COL4A2: variants seen among roughly 807,000 people sequenced by gnomAD.
COL4A2 encodes the protein collagen type IV alpha 2 chain, also known as collagen alpha-2(IV) chain.
In COL4A2, 99 loss-of-function variants were observed where a neutral mutation model predicts 200.2. The observed-to-expected ratio is 0.49, with a 90% CI of 0.42 to 0.58. The LOEUF is 0.58. Ranked by LOEUF, COL4A2 falls within the 20% of genes least tolerant of loss-of-function variation. The pLI, the probability that COL4A2 is intolerant of heterozygous loss-of-function variation, is 0.00. For synonymous variants in COL4A2, 897 were observed against 900.6 expected (o/e 1.00, Z 0.07); for missense variants, 1,950 against 2,314.1 (o/e 0.84, Z 3.23).
At chr13:110,473,211 G>A (rs570564684) in intron 29 of COL4A2, 61 bp downstream of exon 29, 80 of 1,475,220 alleles carry the variant, frequency 5.4e-5, no homozygotes, top group Admixed American at 4.7e-4. Flanking sequence ...CTCCAAGGGC[G>A]ACCCCAATCC....
chr13:110,393,258 A>G (rs558947135), intron 4 of COL4A2, among the ~76,000 whole-genome samples: 1 of 152,334 alleles, frequency 6.6e-6, no homozygotes, highest in Non-Finnish European at 1.5e-5. Context: ...TATTTAAGGG[A>G]AACATAAAAT....
intron 18 of COL4A2, among the ~76,000 whole-genome samples, chr13:110,448,038 G>A (rs1410489424): frequency 6.6e-6 from 1 of 152,188 alleles, no homozygotes; most frequent in Non-Finnish European, 1.5e-5. Flanking sequence ...AGCCGTGAAT[G>A]GGGATATTTT....
chr13:110,380,346 A>G lies in COL4A2; in HGVS notation c.180+22794A>G, dbSNP rs557923817. Among the ~76,000 whole-genome samples, 8 of 152,326 alleles carry G rather than the reference A, an allele frequency of 5.3e-5. No homozygotes were observed. The East Asian group carries it at 1.5e-3, about 29-fold the overall frequency. On this transcript the variant is annotated intron_variant, in intron 4 of 47. Coordinates refer to ENST00000360467, the MANE Select transcript of COL4A2 (RefSeq NM_001846.4). Reference sequence around the variant, plus strand: ...TTATCAGTATTGTTTATGATTTTATAGAGGAGATTTTCACAAGAGGAACTT... The same window carrying G: ...TTATCAGTATTGTTTATGATTTTATGGAGGAGATTTTCACAAGAGGAACTT...
intron 3 of COL4A2, among the ~76,000 whole-genome samples, chr13:110,351,444 C>T (rs953352057): frequency 2.6e-5 from 4 of 152,164 alleles, no homozygotes; most frequent in African/African-American, 9.7e-5. Flanking sequence ...TGGGTTTTGT[C>T]CCTAAGAACT....
At chr13:110,500,176 G>A (rs769646641) in intron 40 of COL4A2, among the ~76,000 whole-genome samples, 2 of 152,220 alleles carry the variant, frequency 1.3e-5, no homozygotes, top group East Asian at 1.9e-4. Context: ...CTGCTGATGC[G>A]TGTAGATTAG....
At chr13:110,317,499 T>C (rs1885171034) in intron 3 of COL4A2, among the ~76,000 whole-genome samples, 1 of 152,192 alleles carries the variant, frequency 6.6e-6, no homozygotes, top group Non-Finnish European at 1.5e-5. Flanking sequence ...CAAACAGACC[T>C]GTTTCTTTAG....
intron 4 of COL4A2, among the ~76,000 whole-genome samples, chr13:110,407,370 G>A (rs1823847586): frequency 6.6e-6 from 1 of 152,220 alleles, no homozygotes; most frequent in Non-Finnish European, 1.5e-5. Flanking sequence ...TCACACAGTT[G>A]TGGAGATGTC....
intron 3 of COL4A2, among the ~76,000 whole-genome samples, chr13:110,327,434 C>T: frequency 6.6e-6 from 1 of 152,248 alleles, no homozygotes; most frequent in Non-Finnish European, 1.5e-5. Flanking sequence ...ATATCACCTC[C>T]ACCACCCAAC....
At chr13:110,315,745 G>A (rs1885114745) in intron 3 of COL4A2, among the ~76,000 whole-genome samples, 1 of 152,152 alleles carries the variant, frequency 6.6e-6, no homozygotes, top group African/African-American at 2.4e-5. Flanking sequence ...TGACATTGCT[G>A]TTCCCACAGT....
intron 38 of COL4A2, 128 bp from the exon 39 acceptor site, chr13:110,493,080 TGGG>T: frequency 4.0e-5 from 9 of 223,482 alleles, no homozygotes; most frequent in South Asian, 7.7e-5. Flanking sequence ...GACACCCCCA[TGGG>T]TGAAATAACG....
chr13:110,376,957 A>G (rs1878262673), intron 4 of COL4A2, among the ~76,000 whole-genome samples: 1 of 152,236 alleles, frequency 6.6e-6, no homozygotes, highest in South Asian at 2.1e-4. Flanking sequence ...TTGCTGAGAT[A>G]TGGAACTAGA....
intron 3 of COL4A2, among the ~76,000 whole-genome samples, chr13:110,345,518 G>T (rs1337434132): frequency 6.6e-6 from 1 of 151,848 alleles, no homozygotes; most frequent in Non-Finnish European, 1.5e-5. Flanking sequence ...TACAGTCGAG[G>T]CCTCCTCAAA....
At chr13:110,489,365 T>C (rs1404167645) in intron 34 of COL4A2, 80 bp from the exon 35 acceptor site, 8 of 1,325,972 alleles carry the variant, frequency 6.0e-6, no homozygotes, top group African/African-American at 1.4e-5. Context: ...GCATACTGGA[T>C]AGTTAAATAA....
intron 20 of COL4A2, 28 bp downstream of exon 20, chr13:110,450,482 T>A: frequency 6.2e-7 from 1 of 1,611,036 alleles, no homozygotes. Flanking sequence ...AAAGGGAGGG[T>A]GTAGCCTAAT....
At chr13:110,433,594 T>C (rs1273119032) in intron 11 of COL4A2, among the ~76,000 whole-genome samples, 1 of 152,138 alleles carries the variant, frequency 6.6e-6, no homozygotes, top group Admixed American at 6.5e-5. Context: ...ATCTGGACAT[T>C]GGAGGGGGCG....
intron 4 of COL4A2, among the ~76,000 whole-genome samples, chr13:110,390,248 T>G (rs1878936299): frequency 6.6e-6 from 1 of 152,228 alleles, no homozygotes; most frequent in Admixed American, 6.5e-5. Flanking sequence ...CCCTCCAAAG[T>G]GGGTTTCTAG....
intron 40 of COL4A2, among the ~76,000 whole-genome samples, chr13:110,496,281 C>G (rs968230746): frequency 1.3e-5 from 2 of 152,354 alleles, no homozygotes; most frequent in African/African-American, 2.4e-5. Flanking sequence ...GGCCAGCAAC[C>G]CTGGCTTTTG....
At chr13:110,334,582 C>T (rs1158488463) in intron 3 of COL4A2, among the ~76,000 whole-genome samples, 2 of 152,212 alleles carry the variant, frequency 1.3e-5, no homozygotes, top group Non-Finnish European at 2.9e-5. Flanking sequence ...ATGGCACACT[C>T]ATTCAAGATG....
chr13:110,318,250 A>G lies in COL4A2; in HGVS notation c.99+10127A>G, dbSNP rs1184070052. ...ACTCACGAGTTCTAGAACACCATGGACTCGTGTCTGGGTCAGAGCAAGGAC... is the reference window on the plus strand; with the variant it reads ...ACTCACGAGTTCTAGAACACCATGGGCTCGTGTCTGGGTCAGAGCAAGGAC... On this transcript the variant is annotated intron_variant, in intron 3 of 47. Coordinates refer to ENST00000360467, the MANE Select transcript of COL4A2 (RefSeq NM_001846.4). 1.8e-3 allele frequency among the ~76,000 whole-genome samples: 281 copies of G among 152,228 alleles called. 3 individuals are homozygous for G. Among genetic ancestry groups the G allele is most frequent in the Non-Finnish European group, 2.5e-4 (17 of 68,012 alleles).
Sources: allele counts gnomAD v4.1 joint callset (sites outside exome capture counted in the v4.1 genomes callset), GRCh38; gene constraint gnomAD v4.1.1; transcripts MANE v1.5; gene names NCBI Gene and HGNC (gene_info 2026-07-23, HGNC 2026-07-21).